Variants in KCNMB2 observed in about 807,000 individuals in gnomAD.
KCNMB2 encodes calcium-activated potassium channel subunit beta-2.
Under a neutral mutation model 24.5 loss-of-function variants are expected in KCNMB2, and 9 were observed. The observed-to-expected ratio is 0.37, with a 90% CI of 0.22 to 0.64. The LOEUF is 0.64. KCNMB2 is among the 30% of genes least tolerant of loss of function. The probability of loss-of-function intolerance (pLI) is 0.63; values close to 1 mark genes in which losing one functional copy is unlikely to be tolerated. For missense variants in KCNMB2, 226 were observed against 284.3 expected (o/e 0.79, Z 1.47); for synonymous variants, 109 against 104.4 (o/e 1.04, Z -0.27).
intron 1 of KCNMB2, among the ~76,000 whole-genome samples, chr3:178,698,784 A>AT (rs1376753522): frequency 1.3e-5 from 2 of 151,834 alleles, no homozygotes; most frequent in Non-Finnish European, 2.9e-5. Flanking sequence ...TGATTTTTGG[A>AT]TTTTTTTCTT....
At chr3:178,598,661 C>CA (rs1425758471) in intron 1 of KCNMB2, among the ~76,000 whole-genome samples, 1 of 151,698 alleles carries the variant, frequency 6.6e-6, no homozygotes, top group Admixed American at 6.6e-5. Context: ...GGGGTTATAA[C>CA]AAAAAAGGCC....
chr3:178,636,180 C>T (rs966886609), intron 1 of KCNMB2, among the ~76,000 whole-genome samples: 1 of 152,144 alleles, frequency 6.6e-6, no homozygotes, highest in Non-Finnish European at 1.5e-5. Context: ...CAGGGACTTA[C>T]AGAAAATTGC....
At chr3:178,742,592 T>C (rs1224127795) in intron 1 of KCNMB2, among the ~76,000 whole-genome samples, 2 of 152,320 alleles carry the variant, frequency 1.3e-5, no homozygotes, top group Non-Finnish European at 2.9e-5. Flanking sequence ...AAAGCAAGTC[T>C]GTCACTGGTA....
intron 1 of KCNMB2, among the ~76,000 whole-genome samples, chr3:178,728,338 T>C (rs1212112664): frequency 6.6e-6 from 1 of 152,096 alleles, no homozygotes; most frequent in Non-Finnish European, 1.5e-5. Context: ...ACAAAATCTT[T>C]CCAGTGAATT....
chr3:178,757,166 T>C (rs1724090339), intron 1 of KCNMB2: 6 of 141,850 alleles, frequency 4.2e-5, no homozygotes, highest in Middle Eastern at 7.2e-3. Flanking sequence ...CTAAGATTGA[T>C]AGGTTCAAGA....
intron 1 of KCNMB2, among the ~76,000 whole-genome samples, chr3:178,537,867 T>C (rs921709962): frequency 5.9e-5 from 9 of 152,228 alleles, no homozygotes; most frequent in Non-Finnish European, 1.3e-4. Context: ...TTCTGAGGCA[T>C]AGATTGGTTA....
chr3:178,770,829 C>T lies in KCNMB2; in HGVS notation c.-67-36514C>T, dbSNP rs76348269. 6.3e-3 allele frequency among the ~76,000 whole-genome samples: 962 copies of T among 152,198 alleles called. 15 individuals carry two copies. Among genetic ancestry groups the T allele is most frequent in the African/African-American group, 0.022 (908 of 41,516 alleles). ...TGTATTAGCTTCACCTAAGAGAAGCCGAGGCTTCCAGGAGACGTACCTCAC... is the reference window on the plus strand; with the variant it reads ...TGTATTAGCTTCACCTAAGAGAAGCTGAGGCTTCCAGGAGACGTACCTCAC... On this transcript the variant is annotated intron_variant, in intron 1 of 4. Coordinates refer to ENST00000452583, the MANE Select transcript of KCNMB2 (RefSeq NM_181361.3).
intron 1 of KCNMB2, among the ~76,000 whole-genome samples, chr3:178,636,309 CG>C (rs1254536727): frequency 6.6e-6 from 1 of 152,038 alleles, no homozygotes; most frequent in African/African-American, 2.4e-5. Flanking sequence ...GTATACTGCT[CG>C]GGTGATGGGT....
intron 1 of KCNMB2, among the ~76,000 whole-genome samples, chr3:178,652,026 C>T (rs1248709549): frequency 6.6e-6 from 1 of 152,104 alleles, no homozygotes; most frequent in East Asian, 1.9e-4. Flanking sequence ...GACTTCATGA[C>T]TAAAACACCA....
At chr3:178,814,727 G>C (rs1390856953) in intron 2 of KCNMB2, among the ~76,000 whole-genome samples, 2 of 152,128 alleles carry the variant, frequency 1.3e-5, no homozygotes, top group Non-Finnish European at 2.9e-5. Context: ...TAGTAATGTT[G>C]AGTACTTTTT....
At chr3:178,544,075 C>T (rs1426145253) in intron 1 of KCNMB2, among the ~76,000 whole-genome samples, 1 of 152,114 alleles carries the variant, frequency 6.6e-6, no homozygotes, top group African/African-American at 2.4e-5. Context: ...GTAGTTAATG[C>T]TCAATAAGTG....
intron 3 of KCNMB2, 95 bp from the exon 4 acceptor site, chr3:178,828,083 T>C (rs1173371924): frequency 6.2e-6 from 6 of 964,382 alleles, no homozygotes; most frequent in African/African-American, 1.6e-5. Flanking sequence ...GAAAAGATTT[T>C]TCAGCTTCAG....
intron 1 of KCNMB2, among the ~76,000 whole-genome samples, chr3:178,612,706 T>C (rs1163050572): frequency 1.3e-5 from 2 of 152,200 alleles, no homozygotes; most frequent in African/African-American, 4.8e-5. Flanking sequence ...CTATGTCTTT[T>C]GATTAGAGAG....
At chr3:178,675,942 A>G (rs548320515) in intron 1 of KCNMB2, among the ~76,000 whole-genome samples, 1 of 152,328 alleles carries the variant, frequency 6.6e-6, no homozygotes, top group South Asian at 2.1e-4. Context: ...TATCAACATT[A>G]TCTCATAATT....
chr3:178,552,231 C>CA (rs1715980255), intron 1 of KCNMB2, among the ~76,000 whole-genome samples: 4 of 152,184 alleles, frequency 2.6e-5, no homozygotes, highest in African/African-American at 7.2e-5. Context: ...TGTAACAGCA[C>CA]TCCCACCACA....
chr3:178,538,107 A>G (rs1425553000), intron 1 of KCNMB2, among the ~76,000 whole-genome samples: 1 of 152,184 alleles, frequency 6.6e-6, no homozygotes, highest in African/African-American at 2.4e-5. Flanking sequence ...TATATACTGT[A>G]ATCCACATAC....
intron 1 of KCNMB2, among the ~76,000 whole-genome samples, chr3:178,567,064 G>A (rs939280962): frequency 2.1e-4 from 32 of 152,218 alleles, no homozygotes; most frequent in Admixed American, 1.2e-3. Flanking sequence ...ATTTTCAAAT[G>A]AGCGTATCGT....
chr3:178,614,674 C>G (rs1430976898), intron 1 of KCNMB2, among the ~76,000 whole-genome samples: 2 of 152,112 alleles, frequency 1.3e-5, no homozygotes, highest in African/African-American at 4.8e-5. Flanking sequence ...TGAATTCCTT[C>G]TCTGTGTTAT....
At chr3:178,651,153 GA>G (rs2108559400) in intron 1 of KCNMB2, among the ~76,000 whole-genome samples, 1 of 152,220 alleles carries the variant, frequency 6.6e-6, no homozygotes, top group South Asian at 2.1e-4. Context: ...TGTATATTTG[GA>G]AAACCCCATC....
Sources: allele counts gnomAD v4.1 joint callset (sites outside exome capture counted in the v4.1 genomes callset), GRCh38; gene constraint gnomAD v4.1.1; transcripts MANE v1.5; gene names NCBI Gene and HGNC (gene_info 2026-07-23, HGNC 2026-07-21).